The following DR1 variants were observed in gnomAD, a reference collection of about 807,000 sequenced individuals.
DR1 encodes the protein down-regulator of transcription 1.
Under a neutral mutation model 19.9 loss-of-function variants are expected in DR1, and 7 were observed. The ratio of observed to expected loss-of-function variants is 0.35; its 90% CI spans 0.20 to 0.66. DR1 has a LOEUF of 0.66. Ranked by LOEUF, DR1 falls within the 30% of genes least tolerant of loss-of-function variation. The pLI is 0.66. For synonymous variants in DR1, 76 were observed against 72.5 expected, an observed-to-expected ratio of 1.05 and a Z score of -0.24; for missense variants, 98 against 203.7, an observed-to-expected ratio of 0.48 and a Z score of 3.16.
At chr1:93,354,408 T>A (rs1666954392) in intron 2 of DR1, among the ~76,000 whole-genome samples, 1 of 152,214 alleles carries the variant, frequency 6.6e-6, no homozygotes, top group Non-Finnish European at 1.5e-5. Flanking sequence ...AATTTTATGA[T>A]GCATGACATA....
chr1:93,354,000 A>G lies in DR1; in HGVS notation c.313A>G (p.Ser105Gly). 1 of 1,613,954 alleles carries G rather than the reference A, an allele frequency of 6.2e-7. No individual in the cohort carries two copies. The highest frequency in any genetic ancestry group is 8.5e-7 in the Non-Finnish European group (1 of 1,179,874). The change falls in exon 2 of 3, where the codon AGT becomes GGT. Residue 105 changes from serine to glycine, a missense_variant. Transcript: ENST00000370272. ...AGTAGCATTAAAAAGAAGAAAGGCC[A>G]GTTCTCGTTTGGAAAACCTTGGCAT... is the stretch of plus-strand genomic sequence containing the variant. ...KTVALKRRKASSRLENLGIPE... is the reference protein window; with the variant it reads ...KTVALKRRKAGSRLENLGIPE...
At chr1:93,349,675 C>T (rs1207364496) in intron 1 of DR1, among the ~76,000 whole-genome samples, 1 of 151,972 alleles carries the variant, frequency 6.6e-6, no homozygotes, top group Non-Finnish European at 1.5e-5. Context: ...TGAGAATTTG[C>T]GTCTTCAGCT....
chr1:93,353,448 T>G (rs1666942420), intron 1 of DR1, among the ~76,000 whole-genome samples: 1 of 152,234 alleles, frequency 6.6e-6, no homozygotes. Context: ...TAAAAATAGC[T>G]TCCTGTTGGT....
At chr1:93,355,387 A>G (rs1666968053) in intron 2 of DR1, 1 of 152,226 alleles carries the variant, frequency 6.6e-6, no homozygotes, top group South Asian at 2.1e-4. Context: ...TCCTGTCATT[A>G]TAGAGCTTAA....
chr1:93,353,813 C>G (rs556963147), intron 1 of DR1, 95 bp from the exon 2 acceptor site: 1 of 960,510 alleles, frequency 1.0e-6, no homozygotes, highest in East Asian at 2.7e-5. Flanking sequence ...CATTCCCCTC[C>G]CCCAAAGAAA....
chr1:93,360,401 G>C (rs1667037526), intron 2 of DR1, 92 bp from the exon 3 acceptor site: 12 of 1,215,728 alleles, frequency 9.9e-6, no homozygotes, highest in South Asian at 1.8e-5. Context: ...ATAATAAACT[G>C]TCTGAAATTG....
intron 1 of DR1, among the ~76,000 whole-genome samples, chr1:93,353,530 G>A (rs1313376679): frequency 6.6e-6 from 1 of 152,104 alleles, no homozygotes; most frequent in African/African-American, 2.4e-5. Context: ...TGTGTTACCA[G>A]CCTACTTTTT....
chr1:93,353,091 T>A (rs1666936168), intron 1 of DR1, among the ~76,000 whole-genome samples: 2 of 151,952 alleles, frequency 1.3e-5, no homozygotes, highest in East Asian at 3.9e-4. Context: ...GACGAGGTCT[T>A]GCCATGTTGC....
intron 2 of DR1, among the ~76,000 whole-genome samples, chr1:93,354,717 C>T (rs148577466): frequency 7.2e-5 from 11 of 152,172 alleles, no homozygotes; most frequent in Admixed American, 3.9e-4. Context: ...GAAGAGAAGC[C>T]GTAGTAACCA....
Position 93,346,644 on chromosome 1 carries a change from C to T in DR1, c.-2C>T. On this transcript the variant is annotated 5_prime_UTR_variant, in exon 1 of 3. Transcript: ENST00000370272. The stretch of plus-strand genomic sequence containing the variant: ...CCGGGGCGCGAGAAACAGGAAGGTA[C>T]TATGGCTTCCTCGTCTGGCAACGAT... 6.2e-7 allele frequency: 1 copy of T among 1,612,958 alleles called. No homozygotes were observed.
chr1:93,346,084 CCAGCAG>C lies in DR1; in HGVS notation c.-560_-555del, dbSNP rs199556082. 5.1e-3 allele frequency: 1,084 copies of C among 212,602 alleles called. 10 individuals are homozygous for C. Among genetic ancestry groups the C allele is most frequent in the Non-Finnish European group, 5.8e-3 (619 of 107,494 alleles). The allele number at this position is 212,602 out of a possible 1,614,324, so 13.2% of individuals were successfully genotyped here. ...TAGTTCCCAGGCGGCCGTCGCCGTT[CCAGCAG>C]CGGCAGCGGCAGCGGCAGCGGCGGA... is the stretch of plus-strand genomic sequence containing the variant. On this transcript the variant is annotated 5_prime_UTR_variant, in exon 1 of 3. Coordinates refer to ENST00000370272, the MANE Select transcript of DR1 (RefSeq NM_001938.3).
chr1:93,347,977 AATTT>A lies in DR1; in HGVS notation c.220+1114_220+1117del, dbSNP rs1186817797. ...TGGTTGTCTATCACTTAATTTTTATAATTTAACTTTTTAAAATGTGACTTTCCTG... is the reference window on the plus strand; with the variant it reads ...TGGTTGTCTATCACTTAATTTTTATAAACTTTTTAAAATGTGACTTTCCTG... On this transcript the variant is annotated intron_variant, in intron 1 of 2. Transcript: ENST00000370272. Among the ~76,000 whole-genome samples the A allele has an allele frequency of 3.9e-5, 6 of 152,092 alleles. No individual in the cohort carries two copies. The South Asian group carries it at 8.3e-4, about 21-fold the overall frequency.
rs1414361218 is a variant in DR1 at position 93,364,210 on chromosome 1, T to TAA, written c.*3572_*3573dup. The TAA allele has an allele frequency of 6.6e-6, 1 of 152,246 alleles. No individual in the cohort carries two copies. The highest frequency in any genetic ancestry group is 1.5e-5 in the Non-Finnish European group (1 of 68,038). 9.4% of individuals were successfully genotyped at this position (152,246 alleles called of 1,614,324 possible). ...AGTTATATTGCAGCAGGTATGTTGT[T>TAA]AATTTCATATAACAGGAAAATAAGA... On this transcript the variant is annotated 3_prime_UTR_variant, in exon 3 of 3. Transcript: ENST00000370272.
At position 93,364,842 on chromosome 1, in the gene DR1, C is replaced by CTTTCTTTTT. The variant is rs1667098890; in HGVS notation, c.*4206_*4207insCTTTTTTTT. Reference sequence around the variant, plus strand: ...ATGTTTCCTTTTTCTTTTTTCTTTTCTTTTCTTTCTTTTTTTTTTTTTTTT... The same window carrying CTTTCTTTTT: ...ATGTTTCCTTTTTCTTTTTTCTTTTCTTTCTTTTTTTTTCTTTCTTTTTTTTTTTTTTTT... On this transcript the variant is annotated 3_prime_UTR_variant, in exon 3 of 3. Transcript: ENST00000370272. 3 of 79,760 alleles carry CTTTCTTTTT rather than the reference C, an allele frequency of 3.8e-5. No homozygotes were observed. Among genetic ancestry groups the CTTTCTTTTT allele is most frequent in the African/African-American group, 1.3e-4 (3 of 23,748 alleles). The allele number at this position is 79,760 out of a possible 1,614,324, so 4.9% of individuals were successfully genotyped here.
At position 93,364,203 on chromosome 1, in the gene DR1, A is replaced by G. The variant is rs1324769079; in HGVS notation, c.*3564A>G. On this transcript the variant is annotated 3_prime_UTR_variant, in exon 3 of 3. Transcript: ENST00000370272. ...CCAAATGAGTTATATTGCAGCAGGT[A>G]TGTTGTTAATTTCATATAACAGGAA... 1 of 152,220 alleles carries G rather than the reference A, an allele frequency of 6.6e-6. No individual in the cohort carries two copies. The highest frequency in any genetic ancestry group is 2.4e-5 in the African/African-American group (1 of 41,466). 9.4% of individuals were successfully genotyped at this position (152,220 alleles called of 1,614,324 possible). A position where few individuals can be genotyped will look rare whatever the true frequency, so the allele number is the denominator to read the frequency against.
Position 93,346,229 on chromosome 1 carries a change from C to T in DR1, c.-417C>T. ...GGGCCTCGGGCTCTATAGAGCCGAG[C>T]CCGCTGGGTACCCGCCCGGTACCGC... On this transcript the variant is annotated 5_prime_UTR_variant, in exon 1 of 3. Coordinates refer to ENST00000370272, the MANE Select transcript of DR1 (RefSeq NM_001938.3). 4.3e-6 allele frequency: 1 copy of T among 230,176 alleles called. No individual in the cohort carries two copies. The highest frequency in any genetic ancestry group is 4.9e-5 in the South Asian group (1 of 20,576). 14.3% of individuals were successfully genotyped at this position (230,176 alleles called of 1,614,324 possible). A position where few individuals can be genotyped will look rare whatever the true frequency, so the allele number is the denominator to read the frequency against.
In DR1 at chr1:93,354,082, T is replaced by G; in HGVS notation, c.384+11T>G. On this transcript the variant is annotated intron_variant, in intron 2 of 2. Transcript: ENST00000370272. ...GAATTATTTGCAAAAGTAAGTAATT[T>G]ATTTAAATTATTTTCCTCTGAATCC... 1 of 1,606,370 alleles carries G rather than the reference T, an allele frequency of 6.2e-7. No homozygotes were observed. The highest frequency in any genetic ancestry group is 8.5e-7 in the Non-Finnish European group (1 of 1,176,408).
In DR1 at chr1:93,346,755, A is replaced by T; in HGVS notation, c.110A>T (p.Glu37Val). 1 of 1,614,132 alleles carries T rather than the reference A, an allele frequency of 6.2e-7. No individual in the cohort carries two copies. Among genetic ancestry groups the T allele is most frequent in the Non-Finnish European group, 8.5e-7 (1 of 1,180,012 alleles). The change falls in exon 1 of 3, where the codon GAG (glutamate) becomes GTG (valine). Residue 37 changes from glutamate (E) to valine (V), a missense_variant. By Grantham distance (121) the Glu-to-Val change is moderately radical (BLOSUM62 -2). Transcript: ENST00000370272. ...PNVRVANDARELVVNCCTEFI... is the reference protein window; with the variant it reads ...PNVRVANDARVLVVNCCTEFI... ...GTCCGGGTGGCCAACGATGCTCGAG[A>T]GCTGGTGGTGAACTGCTGCACTGAA... is the stretch of plus-strand genomic sequence containing the variant.
intron 2 of DR1, among the ~76,000 whole-genome samples, chr1:93,359,843 G>A (rs935464747): frequency 1.3e-5 from 2 of 152,090 alleles, no homozygotes; most frequent in Admixed American, 1.3e-4. Flanking sequence ...TTACTAGTGT[G>A]TATACGGGAA....
Sources: allele counts gnomAD v4.1 joint callset (sites outside exome capture counted in the v4.1 genomes callset), GRCh38; gene constraint gnomAD v4.1.1; transcripts MANE v1.5; gene names NCBI Gene and HGNC (gene_info 2026-07-23, HGNC 2026-07-21).